The following UEVLD variants were observed in gnomAD, a reference collection of about 807,000 sequenced individuals.
UEVLD encodes ubiquitin-conjugating enzyme E2 variant 3.
A neutral mutation model predicts 58.6 loss-of-function variants in UEVLD; 47 were observed. That is an observed-to-expected ratio of 0.80 (90% CI 0.63 to 1.02). The LOEUF (loss-of-function observed/expected upper bound fraction) is 1.02, where lower values mean the gene tolerates loss of function less well. Ranked by LOEUF, UEVLD falls within the 50% of genes least tolerant of loss-of-function variation. UEVLD has a pLI of 0.00. For missense variants in UEVLD, 510 were observed against 550.6 expected (o/e 0.93, Z 0.74); for synonymous variants, 197 against 195.3 (o/e 1.01, Z -0.07).
chr11:18,558,229 T>A lies in UEVLD; in HGVS notation c.714A>T (p.Lys238Asn), dbSNP rs763991674. 6.2e-7 allele frequency: 1 copy of A among 1,610,362 alleles called. No homozygotes were observed. The highest frequency in any genetic ancestry group is 8.5e-7 in the Non-Finnish European group (1 of 1,178,268). ...CATCTTTAAGCAGAATAAACAGACCTTTGCTGATCTCCACATTAGGAAGGT... is the reference window on the plus strand; with the variant it reads ...CATCTTTAAGCAGAATAAACAGACCATTGCTGATCTCCACATTAGGAAGGT... ...IFNLPNVEISKDLSASAHSKV... is the reference protein window; with the variant it reads ...IFNLPNVEISNDLSASAHSKV... The change falls in exon 7 of 12, where the codon AAA becomes AAT. Residue 238 changes from lysine (K) to asparagine (N), a missense_variant and splice_region_variant. Physicochemically the swap from Lys to Asn is moderately conservative, Grantham distance 94. Transcript: ENST00000396197.
At chr11:18,555,528 C>T (rs1052240703) in intron 7 of UEVLD, among the ~76,000 whole-genome samples, 5 of 151,878 alleles carry the variant, frequency 3.3e-5, no homozygotes, top group African/African-American at 7.3e-5. Flanking sequence ...ATCCAGGCTT[C>T]GGTGAGCCAT....
chr11:18,575,040 CA>C lies in UEVLD; in HGVS notation c.193+306del, dbSNP rs1295796094. ...GCACCTACTTTGAAAGAAGTCCCCC[CA>C]AAATACAGCTTCCTAGTGTCTTTTG... On this transcript the variant is annotated intron_variant, in intron 3 of 11. Transcript: ENST00000396197. Among the ~76,000 whole-genome samples, 3 of 152,072 alleles carry C rather than the reference CA, an allele frequency of 2.0e-5. No individual in the cohort carries two copies. In the East Asian group the frequency reaches 5.8e-4, roughly 29 times the overall value.
At chr11:18,563,718 T>C (rs2134017786) in intron 6 of UEVLD, 4 of 985,094 alleles carry the variant, frequency 4.1e-6, no homozygotes, top group Middle Eastern at 5.2e-4. Flanking sequence ...TAAGAGGTAA[T>C]AGCAGGCCAG....
rs1852519268 is a variant in UEVLD, at chr11:18,570,165, A to AT, written c.357+48dup. 9.5e-6 allele frequency: 14 copies of AT among 1,472,284 alleles called. No individual in the cohort carries two copies. In the South Asian group the frequency reaches 1.1e-4, roughly 12 times the overall value. 91.2% of individuals were successfully genotyped at this position (1,472,284 alleles called of 1,614,324 possible). ...TGTACCAGCAGAATCAATGATAGGTATTTAAAAAAAAAAAAAAGCTTTCTG... is the reference window on the plus strand; with the variant it reads ...TGTACCAGCAGAATCAATGATAGGTATTTTAAAAAAAAAAAAAAGCTTTCTG... On this transcript the variant is annotated intron_variant, in intron 4 of 11. Coordinates refer to ENST00000396197, the MANE Select transcript of UEVLD (RefSeq NM_001040697.4).
rs747216609 is a variant in UEVLD at position 18,566,409 on chromosome 11, A to G, written c.431T>C (p.Leu144Pro). 4.3e-6 allele frequency: 7 copies of G among 1,613,726 alleles called. No homozygotes were observed. The East Asian group carries it at 1.6e-4, about 36-fold the overall frequency. Residue 144 changes from leucine (L) to proline (P), a missense_variant, in exon 5 of 12, where the codon CTA (leucine) becomes CCA (proline). Transcript: ENST00000396197. The part of the protein sequence containing the change: ...KFQEELPMYS[L>P]SSSDEARQVD... ...CTGCCGTGCCTCATCAGATGATGATAGAGAATACATGGGAAGTTCCTCTTG... is the reference window on the plus strand; with the variant it reads ...CTGCCGTGCCTCATCAGATGATGATGGAGAATACATGGGAAGTTCCTCTTG...
chr11:18,584,274 T>A (rs1853421847), intron 1 of UEVLD, among the ~76,000 whole-genome samples: 3 of 152,034 alleles, frequency 2.0e-5, no homozygotes. Flanking sequence ...CCTAGCTACC[T>A]CCAGAGGCTG....
intron 9 of UEVLD, among the ~76,000 whole-genome samples, chr11:18,538,463 A>AC (rs1850909250): frequency 1.3e-5 from 2 of 149,506 alleles, no homozygotes; most frequent in South Asian, 4.2e-4. Flanking sequence ...ACAGGTGTGC[A>AC]CCCCCACGCC....
chr11:18,547,597 A>G (rs1851356316), intron 7 of UEVLD, among the ~76,000 whole-genome samples: 1 of 152,202 alleles, frequency 6.6e-6, no homozygotes, highest in Admixed American at 6.5e-5. Context: ...ATGGGATCTA[A>G]AACCTACAAA....
chr11:18,566,630 A>G (rs952795112), intron 4 of UEVLD, 148 bp from the exon 5 acceptor site: 12 of 761,284 alleles, frequency 1.6e-5, no homozygotes, highest in Non-Finnish European at 1.4e-5. Flanking sequence ...GGGCAACAGA[A>G]TGAGACTTCA....
chr11:18,563,666 T>C (rs1852149870), intron 6 of UEVLD: 2 of 983,930 alleles, frequency 2.0e-6, no homozygotes, highest in Non-Finnish European at 2.4e-6. Context: ...TATAGAAGCA[T>C]TTATTTAGTG....
At position 18,578,763 on chromosome 11, in the gene UEVLD, C is replaced by T. The variant is rs545757381; in HGVS notation, c.88G>A (p.Val30Ile). ...LTVEELRNVN[V>I]FFPHFKYSMD... ...GAATATTTGAAATGTGGGAAAAATA[C>T]ATTTACATTCCTTAGTTCTTCCACA... Residue 30 changes from valine to isoleucine, a missense_variant, in exon 2 of 12, where the codon GTA becomes ATA. Val to Ile is a conservative substitution (Grantham distance 29). Transcript: ENST00000396197. 3 of 1,608,394 alleles carry T rather than the reference C, an allele frequency of 1.9e-6. No homozygotes were observed. Among genetic ancestry groups the T allele is most frequent in the African/African-American group, 2.7e-5 (2 of 74,844 alleles).
intron 4 of UEVLD, 111 bp from the exon 5 acceptor site, chr11:18,566,593 T>A: frequency 8.7e-7 from 1 of 1,143,538 alleles, no homozygotes; most frequent in Non-Finnish European, 1.2e-6. Flanking sequence ...TGCAGTGAGT[T>A]ATGGTTGCAC....
intron 6 of UEVLD, chr11:18,563,510 G>A (rs1024491938): frequency 1.1e-4 from 25 of 237,064 alleles, no homozygotes; most frequent in Non-Finnish European, 1.5e-4. Flanking sequence ...AGGATGGCTT[G>A]AGCTGGGGAG....
intron 7 of UEVLD, among the ~76,000 whole-genome samples, chr11:18,549,762 A>G (rs994014703): frequency 4.6e-5 from 7 of 151,602 alleles, no homozygotes; most frequent in East Asian, 2.0e-4. Flanking sequence ...CCTACTCCCA[A>G]AGATTTTCCC....
intron 6 of UEVLD, among the ~76,000 whole-genome samples, chr11:18,559,238 G>A (rs1394656084): frequency 2.0e-5 from 3 of 150,938 alleles, no homozygotes; most frequent in South Asian, 2.1e-4. Context: ...TTGCTCTGTC[G>A]CCCAGGCTGG....
chr11:18,540,959 C>G (rs192407133), intron 9 of UEVLD, among the ~76,000 whole-genome samples: 49 of 152,208 alleles, frequency 3.2e-4, no homozygotes, highest in South Asian at 8.3e-4. Flanking sequence ...TAAATTCCTA[C>G]ATTTGGGATA....
intron 9 of UEVLD, among the ~76,000 whole-genome samples, chr11:18,537,376 G>T: frequency 7.1e-6 from 1 of 141,162 alleles, no homozygotes; most frequent in African/African-American, 2.6e-5. Context: ...CTGTTACCTA[G>T]CCTGGTGTGC....
At position 18,544,681 on chromosome 11, in the gene UEVLD, C is replaced by A. The variant is rs764936309; in HGVS notation, c.1002G>T (p.Leu334Phe). 1 of 1,591,056 alleles carries A rather than the reference C, an allele frequency of 6.3e-7. No individual in the cohort carries two copies. Among genetic ancestry groups the A allele is most frequent in the South Asian group, 1.2e-5 (1 of 86,612 alleles). Residue 334 changes from leucine to phenylalanine, a missense_variant, in exon 9 of 12, where the codon TTG becomes TTT. By Grantham distance (22) the Leu-to-Phe change is conservative. Coordinates refer to ENST00000396197, the MANE Select transcript of UEVLD (RefSeq NM_001040697.4). The part of the protein sequence containing the change: ...QRLQYIITNV[L>F]KAQTSGKEVW... ...CTTCTTTGCCTGAAGTCTGTGCCTTCAAAACATTTGTAATAATATACTGTA... is the reference window on the plus strand; with the variant it reads ...CTTCTTTGCCTGAAGTCTGTGCCTTAAAAACATTTGTAATAATATACTGTA...
intron 1 of UEVLD, among the ~76,000 whole-genome samples, chr11:18,585,349 C>G (rs1853492758): frequency 6.6e-6 from 1 of 152,180 alleles, no homozygotes; most frequent in Non-Finnish European, 1.5e-5. Context: ...GGTCTTTAAT[C>G]CACTGGAAAT....
Sources: gnomAD v4.1 joint callset for allele counts (sites outside exome capture counted in the v4.1 genomes callset) on GRCh38, gnomAD v4.1.1 for gene constraint, MANE v1.5 for transcripts, NCBI Gene and HGNC (gene_info 2026-07-23, HGNC 2026-07-21) for gene names.